Variants in GATA3 observed in about 807,000 individuals in gnomAD.
GATA3 encodes GATA binding protein 3, also known as trans-acting T-cell-specific transcription factor GATA-3.
GATA3 carries 6 observed loss-of-function variants against 36.0 expected under a neutral mutation model. The observed-to-expected ratio is 0.17, with a 90% confidence interval of 0.09 to 0.33. The LOEUF (loss-of-function observed/expected upper bound fraction) is 0.33, where lower values mean the gene tolerates loss of function less well. Among genes scored for constraint, GATA3 ranks in the 10% least tolerant of loss-of-function variants. The pLI is 1.00. For synonymous variants in GATA3, 326 were observed against 273.0 expected, an observed-to-expected ratio of 1.19 and a Z score of -1.92; for missense variants, 514 against 610.1, an observed-to-expected ratio of 0.84 and a Z score of 1.66.
In GATA3 at chr10:8,073,807, C is replaced by A. The variant is rs779347346; in HGVS notation, c.1119C>A (p.Ser373=). 6.2e-7 allele frequency: 1 copy of A among 1,614,026 alleles called. No homozygotes were observed. Among genetic ancestry groups the A allele is most frequent in the Non-Finnish European group, 8.5e-7 (1 of 1,179,986 alleles). The change falls in exon 6 of 6, where the codon TCC becomes TCA. Residue 373 remains serine, a synonymous_variant. Transcript: ENST00000379328. ...GAAACCGAAAAATGTCTAGCAAATC[C>A]AAAAAGTGCAAAAAAGTGCATGACT... ...QTRNRKMSSK[S]KKCKKVHDSL... is the part of the protein sequence containing the mutation.
intron 4 of GATA3, among the ~76,000 whole-genome samples, chr10:8,068,341 G>C (rs763528178): frequency 6.6e-6 from 1 of 152,192 alleles, no homozygotes; most frequent in African/African-American, 2.4e-5. Context: ...GGGATCCAGG[G>C]TTCCTGATGA....
chr10:8,049,779 G>T (rs1038337507), upstream of GATA3, among the ~76,000 whole-genome samples: 1 of 152,186 alleles, frequency 6.6e-6, no homozygotes, highest in Non-Finnish European at 1.5e-5. Flanking sequence ...AGGTGTGCGC[G>T]CTCCAATACC....
chr10:8,069,399 G>A, intron 4 of GATA3, 74 bp from the exon 5 acceptor site: 5 of 1,296,318 alleles, frequency 3.9e-6, no homozygotes, highest in Non-Finnish European at 5.5e-6. Context: ...TTTTTTTCAA[G>A]CCTGTCTTCA....
In GATA3 at chr10:8,074,901, T is replaced by G. The variant is rs1043896797; in HGVS notation, c.*878T>G. The G allele has an allele frequency of 2.6e-5, 6 of 233,692 alleles. No homozygotes were observed. Among genetic ancestry groups the G allele is most frequent in the African/African-American group, 1.3e-4 (6 of 45,366 alleles). The allele number at this position is 233,692 out of a possible 1,614,324, so 14.5% of individuals were successfully genotyped here. On this transcript the variant is annotated 3_prime_UTR_variant, in exon 6 of 6. Transcript: ENST00000379328. ...TTACATTCAGTTGGCCTAAGGTGGT[T>G]GTGCTCGGAGGGTTTCTTGTTTCTT... is the stretch of plus-strand genomic sequence containing the variant.
rs1832624390 is a variant in GATA3, at chr10:8,055,810, A to G, written c.155A>G (p.Asn52Ser). 13 of 1,593,184 alleles carry G rather than the reference A, an allele frequency of 8.2e-6. No individual in the cohort carries two copies. Among genetic ancestry groups the G allele is most frequent in the Non-Finnish European group, 1.1e-5 (13 of 1,169,906 alleles). The change falls in exon 2 of 6, where the codon AAC (asparagine) becomes AGC (serine). Residue 52 changes from asparagine to serine, a missense_variant. This residue lies in a region of GATA3 where 381 missense variants were observed against 354.3 expected (regional missense o/e 1.08). Coordinates refer to ENST00000379328, the MANE Select transcript of GATA3 (RefSeq NM_001002295.2). The surrounding 1 kb of genome is among the most constrained non-coding windows in gnomAD (Gnocchi z 5.4). ...CCGGAGGAGGTGGATGTGCTTTTTA[A>G]CATCGACGGTCAAGGCAACCACGTC... The part of the protein sequence containing the change: ...PLPEEVDVLF[N>S]IDGQGNHVPP...
At chr10:8,050,894 C>T (rs778886172), upstream of GATA3, 13 of 480,584 alleles carry the variant, frequency 2.7e-5, no homozygotes, top group Middle Eastern at 7.4e-4. Context: ...CTCCGCTTTG[C>T]CTGTTACCCA....
intron 2 of GATA3, 42 bp from the exon 3 acceptor site, chr10:8,058,263 C>A (rs1408843859): frequency 1.2e-6 from 2 of 1,608,462 alleles, no homozygotes; most frequent in East Asian, 2.2e-5. Flanking sequence ...GGGCCACACT[C>A]ACCCTCCTTC....
In GATA3 at chr10:8,073,719, A is replaced by G. The variant is rs1832967823; in HGVS notation, c.1051-20A>G. The G allele has an allele frequency of 6.3e-7, 1 of 1,597,550 alleles. No homozygotes were observed. Among genetic ancestry groups the G allele is most frequent in the South Asian group, 1.1e-5 (1 of 87,722 alleles). On this transcript the variant is annotated intron_variant, in intron 5 of 5. Transcript: ENST00000379328. ...CAGCAAAAAAGTAAAAAAAAAAAAA[A>G]AAAATTGATCTTTGTTTAGATTAAC...
chr10:8,059,582 G>T (rs1010623855), intron 3 of GATA3, among the ~76,000 whole-genome samples: 2 of 152,212 alleles, frequency 1.3e-5, no homozygotes, highest in Admixed American at 6.5e-5. Flanking sequence ...CTGAGCTGCA[G>T]CCAGAGGAGG....
chr10:8,051,372 C>G (rs574754922), upstream of GATA3: 15 of 282,832 alleles, frequency 5.3e-5, no homozygotes, highest in African/African-American at 3.3e-4. Context: ...CGGGCCCCGG[C>G]TCCTCTCTAG....
intron 2 of GATA3, among the ~76,000 whole-genome samples, chr10:8,057,056 G>T (rs753319468): frequency 2.0e-5 from 3 of 152,130 alleles, no homozygotes; most frequent in Admixed American, 6.5e-5. Flanking sequence ...CGGATGGGGC[G>T]CTCTTTGCCC....
At chr10:8,070,169 A>G (rs1832908953) in intron 5 of GATA3, among the ~76,000 whole-genome samples, 1 of 152,180 alleles carries the variant, frequency 6.6e-6, no homozygotes, top group Non-Finnish European at 1.5e-5. Context: ...GTCCGAACCA[A>G]CTTTCACGTG....
rs548174859 is a variant in GATA3 at position 8,056,239 on chromosome 10, C to A, written c.241+343C>A. Among the ~76,000 whole-genome samples the A allele has an allele frequency of 2.6e-5, 4 of 152,258 alleles. No individual in the cohort carries two copies. The East Asian group carries it at 5.8e-4, about 22-fold the overall frequency. On this transcript the variant is annotated intron_variant, in intron 2 of 5. Coordinates refer to ENST00000379328, the MANE Select transcript of GATA3 (RefSeq NM_001002295.2). ...TGTCCCCAAGCGCGGGGTGCCCTGG[C>A]TCTGCCTCCGCGGGTCCGGGCTCTC... is the stretch of plus-strand genomic sequence containing the variant.
In GATA3 at chr10:8,063,843, T is replaced by C. The variant is rs1832789617; in HGVS notation, c.779-150T>C. Reference sequence around the variant, plus strand: ...TCCCCAGCTCAACTTTGGAGCATCTTGGAAAGAGGTGGGGGTGGACACGCT... The same window carrying C: ...TCCCCAGCTCAACTTTGGAGCATCTCGGAAAGAGGTGGGGGTGGACACGCT... On this transcript the variant is annotated intron_variant, in intron 3 of 5. Coordinates refer to ENST00000379328, the MANE Select transcript of GATA3 (RefSeq NM_001002295.2). 5 of 1,057,292 alleles carry C rather than the reference T, an allele frequency of 4.7e-6. No homozygotes were observed. The South Asian group carries it at 5.6e-5, about 12-fold the overall frequency. The allele number at this position is 1,057,292 out of a possible 1,614,324, so 65.5% of individuals were successfully genotyped here.
At chr10:8,046,430 C>G (rs1832387777) in intron 1 of GATA3, among the ~76,000 whole-genome samples, 1 of 152,186 alleles carries the variant, frequency 6.6e-6, no homozygotes, top group South Asian at 2.1e-4. Context: ...TCTCTCCTCC[C>G]TATTGTCCAT....
intron 3 of GATA3, among the ~76,000 whole-genome samples, chr10:8,061,109 C>G (rs1176613806): frequency 1.5e-5 from 2 of 135,976 alleles, no homozygotes; most frequent in Non-Finnish European, 3.3e-5. Context: ...CCTTTAACCT[C>G]TTCTTTGCAA....
At chr10:8,063,922 A>C in intron 3 of GATA3, 71 bp from the exon 4 acceptor site, 1 of 1,608,198 alleles carries the variant, frequency 6.2e-7, no homozygotes, top group Non-Finnish European at 8.5e-7. Context: ...TTTCTCCCCC[A>C]GTTCCAAATG....
chr10:8,071,587 G>A (rs1234493125), intron 5 of GATA3, among the ~76,000 whole-genome samples: 3 of 152,188 alleles, frequency 2.0e-5, no homozygotes, highest in African/African-American at 7.2e-5. Context: ...ATCTTAATGA[G>A]CTTGGTCTTC....
At chr10:8,052,863 A>G (rs928381580), upstream of GATA3, 1 of 138,380 alleles carries the variant, frequency 7.2e-6, no homozygotes, top group African/African-American at 2.7e-5. Flanking sequence ...GCCGCCTAAT[A>G]ACGGGAGACC....
Sources: allele counts gnomAD v4.1 joint callset (sites outside exome capture counted in the v4.1 genomes callset), GRCh38; gene constraint gnomAD v4.1.1; regional missense constraint gnomAD v4.1.1; non-coding constraint Gnocchi (gnomAD v3.1); transcripts MANE v1.5; gene names NCBI Gene and HGNC (gene_info 2026-07-23, HGNC 2026-07-21).